GPHN: variants seen among roughly 807,000 people sequenced by gnomAD.
GPHN encodes the protein gephyrin.
GPHN carries 17 observed loss-of-function variants against 95.5 expected under a neutral mutation model. The ratio of observed to expected loss-of-function variants is 0.18; its 90% CI spans 0.12 to 0.27. The LOEUF is 0.27. GPHN is among the 10% of genes least tolerant of loss of function. The pLI, the probability that GPHN is intolerant of heterozygous loss-of-function variation, is 1.00. For synonymous variants in GPHN, 320 were observed against 322.5 expected (o/e 0.99, Z 0.08); for missense variants, 660 against 978.1 (o/e 0.67, Z 4.34).
At chr14:67,277,855 A>G in the GPHN span, among the ~76,000 whole-genome samples, 1 of 150,912 alleles carries the variant, frequency 6.6e-6, no homozygotes, top group African/African-American at 2.4e-5. Context: ...CTGAGGGTCA[A>G]AGAGAGAAAA....
chr14:66,808,041 G>A (rs112898673), intron 3 of GPHN, among the ~76,000 whole-genome samples: 2,380 of 152,230 alleles, frequency 0.016, 32 homozygotes, highest in Non-Finnish European at 0.018. Flanking sequence ...CATTCTTACT[G>A]ACAGTATTGT....
At chr14:67,473,252 GCC>G in the GPHN span, 1 of 885,232 alleles carries the variant, frequency 1.1e-6, no homozygotes, top group Non-Finnish European at 1.7e-6. This position sits in a 1 kb window ranked among gnomAD's most constrained non-coding sequence, Gnocchi z 6.5. Flanking sequence ...CCTGACCACG[GCC>G]CCCCAACACC....
chr14:66,933,020 A>G (rs1439459894), intron 8 of GPHN, among the ~76,000 whole-genome samples: 2 of 152,214 alleles, frequency 1.3e-5, no homozygotes, highest in Non-Finnish European at 2.9e-5. Context: ...ATCAGTGAAG[A>G]CTTTCTCATT....
At chr14:66,985,561 T>C in intron 9 of GPHN, 1 of 639,194 alleles carries the variant, frequency 1.6e-6, no homozygotes, top group South Asian at 1.9e-5. Flanking sequence ...CTTGGCCTCC[T>C]AAGAGCTACC....
the GPHN span, among the ~76,000 whole-genome samples, chr14:67,661,919 G>A: frequency 1.3e-5 from 2 of 152,060 alleles, no homozygotes; most frequent in African/African-American, 2.4e-5. Context: ...TACTTTGGGA[G>A]GCCGAGGCGG....
At chr14:67,426,302 G>A in the GPHN span, among the ~76,000 whole-genome samples, 1 of 152,156 alleles carries the variant, frequency 6.6e-6, no homozygotes, top group South Asian at 2.1e-4. Flanking sequence ...TAGAGGGTTT[G>A]AGCTTCACCC....
the GPHN span, among the ~76,000 whole-genome samples, chr14:67,278,703 G>A: frequency 3.9e-5 from 6 of 152,232 alleles, no homozygotes; most frequent in South Asian, 2.1e-4. Context: ...AGCAAGCAAC[G>A]TGTTCTCTAC....
At chr14:67,279,437 A>T in the GPHN span, 1 of 1,613,772 alleles carries the variant, frequency 6.2e-7, no homozygotes, top group Non-Finnish European at 8.5e-7. Flanking sequence ...GACTTAAGAA[A>T]CTAGCCCAAA....
the GPHN span, among the ~76,000 whole-genome samples, chr14:67,410,053 G>A: frequency 1.3e-5 from 2 of 152,020 alleles, no homozygotes; most frequent in Non-Finnish European, 2.9e-5. Flanking sequence ...GCCAAGCCCC[G>A]TCTTTTCCAA....
chr14:67,449,478 T>C, the GPHN span, among the ~76,000 whole-genome samples: 127 of 152,148 alleles, frequency 8.3e-4, 1 homozygote, highest in Non-Finnish European at 1.6e-3. Context: ...TGTGGGGAAG[T>C]GGGGTGGCAA....
chr14:66,670,711 G>C (rs998270297), intron 1 of GPHN, among the ~76,000 whole-genome samples: 4 of 152,212 alleles, frequency 2.6e-5, no homozygotes, highest in African/African-American at 7.2e-5. Flanking sequence ...AGGATCATTT[G>C]AGCCTAGGCG....
intron 3 of GPHN, among the ~76,000 whole-genome samples, chr14:66,794,127 T>A (rs1652748130): frequency 6.6e-6 from 1 of 152,178 alleles, no homozygotes; most frequent in African/African-American, 2.4e-5. Context: ...TGGATCTGTG[T>A]CCACACCCAA....
the GPHN span, among the ~76,000 whole-genome samples, chr14:67,308,234 T>TAAA: frequency 1.1e-4 from 15 of 138,930 alleles, no homozygotes; most frequent in East Asian, 1.4e-3. Context: ...CTTAACAGTT[T>TAAA]AAAAAAAAAA....
At chr14:67,592,679 G>T in the GPHN span, 8 of 1,608,300 alleles carry the variant, frequency 5.0e-6, no homozygotes, top group Non-Finnish European at 6.8e-6. Context: ...GGTTCCACTG[G>T]ATCTTTCAAT....
intron 5 of GPHN, among the ~76,000 whole-genome samples, chr14:66,911,908 A>G (rs1440174867): frequency 6.6e-6 from 1 of 152,036 alleles, no homozygotes; most frequent in Non-Finnish European, 1.5e-5. Context: ...GCTTTTCTTC[A>G]TCACCTTTGC....
intron 5 of GPHN, among the ~76,000 whole-genome samples, chr14:66,893,147 A>C (rs1319908526): frequency 6.6e-6 from 1 of 152,202 alleles, no homozygotes; most frequent in Non-Finnish European, 1.5e-5. Context: ...TCATAGCTTC[A>C]TAACAGATTT....
the GPHN span, chr14:67,692,317 A>G: frequency 2.0e-6 from 2 of 988,048 alleles, no homozygotes; most frequent in Non-Finnish European, 3.0e-6. Flanking sequence ...GTTCAGCTAC[A>G]GAAGTTTTTG....
intron 2 of GPHN, among the ~76,000 whole-genome samples, chr14:66,775,498 C>A (rs1018880437): frequency 1.3e-5 from 2 of 151,888 alleles, no homozygotes; most frequent in Admixed American, 1.3e-4. Context: ...ATATTTAACC[C>A]AATATATCAA....
At chr14:67,192,474 G>A in the GPHN span, among the ~76,000 whole-genome samples, 1 of 151,732 alleles carries the variant, frequency 6.6e-6, no homozygotes, top group South Asian at 2.1e-4. Context: ...GGATCAGAGG[G>A]TGGGGTCTGA....
Sources: gnomAD v4.1 joint callset for allele counts (sites outside exome capture counted in the v4.1 genomes callset) on GRCh38, gnomAD v4.1.1 for gene constraint, Gnocchi (gnomAD v3.1) non-coding constraint, MANE v1.5 for transcripts, NCBI Gene and HGNC (gene_info 2026-07-23, HGNC 2026-07-21) for gene names.